The following SLC9A5 variants were observed in gnomAD, a reference collection of about 807,000 sequenced individuals.
The protein encoded by SLC9A5 is solute carrier family 9 member A5.
In SLC9A5, 52 loss-of-function variants were observed where a neutral mutation model predicts 91.7. The observed-to-expected ratio is 0.57, with a 90% CI of 0.45 to 0.71. SLC9A5 has a LOEUF of 0.71. Ranked by LOEUF, SLC9A5 falls within the 30% of genes least tolerant of loss-of-function variation. The pLI is 0.00. For synonymous variants in SLC9A5, 419 were observed against 474.5 expected, an observed-to-expected ratio of 0.88 and a Z score of 1.52; for missense variants, 871 against 1,158.9, an observed-to-expected ratio of 0.75 and a Z score of 3.61.
chr16:67,252,337 G>A lies in SLC9A5; in HGVS notation c.188-205G>A, dbSNP rs1301273636. Among the ~76,000 whole-genome samples the A allele has an allele frequency of 2.0e-5, 3 of 151,982 alleles. No individual in the cohort carries two copies. The highest frequency in any genetic ancestry group is 2.9e-5 in the Non-Finnish European group (2 of 67,962). On this transcript the variant is annotated intron_variant, in intron 1 of 15. Coordinates refer to ENST00000299798, the MANE Select transcript of SLC9A5 (RefSeq NM_004594.3). The surrounding 1 kb of genome is among the most constrained non-coding windows in gnomAD (Gnocchi z 4.0). ...ATGGTGGCGCGTGTCTGTAGTCCCCGTACTCAGGAGGCTGAGGCAGGAGAA... is the reference window on the plus strand; with the variant it reads ...ATGGTGGCGCGTGTCTGTAGTCCCCATACTCAGGAGGCTGAGGCAGGAGAA...
rs1194701497 is a variant in SLC9A5, at chr16:67,249,194, CA to C, written c.184del (p.Ile62SerfsTer9). On this transcript the variant is annotated frameshift_variant, in exon 1 of 16. Coordinates refer to ENST00000299798, the MANE Select transcript of SLC9A5 (RefSeq NM_004594.3). LOFTEE classifies it high-confidence loss of function. ...ALWILVASLA[K>X]IVFHLSRKVT... ...TGTGGATCCTGGTGGCCAGTCTGGC[CA>C]AAATCGGTGAGTGCGTGTGTGCGTG... 4 of 1,525,884 alleles carry C rather than the reference CA, an allele frequency of 2.6e-6. No individual in the cohort carries two copies. Among genetic ancestry groups the C allele is most frequent in the Middle Eastern group, 2.0e-4 (1 of 5,044 alleles). The allele number at this position is 1,525,884 out of a possible 1,614,324, so 94.5% of individuals were successfully genotyped here.
In SLC9A5 at chr16:67,257,490, G is replaced by A; in HGVS notation, c.1426-41G>A. 1 of 1,613,480 alleles carries A rather than the reference G, an allele frequency of 6.2e-7. No individual in the cohort carries two copies. Among genetic ancestry groups the A allele is most frequent in the Non-Finnish European group, 8.5e-7 (1 of 1,179,442 alleles). ...CCCTCTCGACCTTCTCCTATTTTGG[G>A]CAGAGTCCTGATCCAGTCCCCCTAC... On this transcript the variant is annotated intron_variant, in intron 8 of 15. Coordinates refer to ENST00000299798, the MANE Select transcript of SLC9A5 (RefSeq NM_004594.3). This position sits in a 1 kb window ranked among gnomAD's most constrained non-coding sequence, Gnocchi z 5.1.
At chr16:67,259,687 C>T in intron 11 of SLC9A5, 26 bp downstream of exon 11, 1 of 1,604,724 alleles carries the variant, frequency 6.2e-7, no homozygotes, top group Non-Finnish European at 8.5e-7. Flanking sequence ...CCTTCCCCTT[C>T]CTCATACTCC....
chr16:67,255,416 C>T lies in SLC9A5; in HGVS notation c.678C>T (p.Ser226=), dbSNP rs761092461. The change falls in exon 4 of 16, where the codon TCC becomes TCT. Residue 226 remains serine (S), a synonymous_variant. Transcript: ENST00000299798. The surrounding 1 kb of genome is among the most constrained non-coding windows in gnomAD (Gnocchi z 4.9). The part of the protein sequence containing the change: ...VTVVLYKVCN[S]FVEMGSANVQ... ...AGGTGCTGTACAAGGTCTGCAACTC[C>T]TTTGTGGAGATGGGCTCTGCCAATG... The T allele has an allele frequency of 6.2e-7, 1 of 1,614,082 alleles. No homozygotes were observed. The highest frequency in any genetic ancestry group is 1.1e-5 in the South Asian group (1 of 91,088).
chr16:67,251,722 G>A lies in SLC9A5; in HGVS notation c.188-820G>A, dbSNP rs1350067683. ...AGCCACCGCGCCCCGCCTGTAGATT[G>A]TCTTTTTTAATGGTCACAATAATCT... On this transcript the variant is annotated intron_variant, in intron 1 of 15. Coordinates refer to ENST00000299798, the MANE Select transcript of SLC9A5 (RefSeq NM_004594.3). Among the ~76,000 whole-genome samples, 3 of 151,980 alleles carry A rather than the reference G, an allele frequency of 2.0e-5. No individual in the cohort carries two copies. The East Asian group carries it at 5.8e-4, about 29-fold the overall frequency.
In SLC9A5 at chr16:67,258,300, G is replaced by A. The variant is rs2035392743; in HGVS notation, c.1497-18G>A. 2 of 1,613,032 alleles carry A rather than the reference G, an allele frequency of 1.2e-6. No homozygotes were observed. Among genetic ancestry groups the A allele is most frequent in the African/African-American group, 1.3e-5 (1 of 75,064 alleles). ...CCTTGGGAATGGGACTCAGGGCCGGGCCTGGCATCCTCTGTAGGTGGGAGC... is the reference window on the plus strand; with the variant it reads ...CCTTGGGAATGGGACTCAGGGCCGGACCTGGCATCCTCTGTAGGTGGGAGC... On this transcript the variant is annotated intron_variant, in intron 9 of 15. Transcript: ENST00000299798. This position sits in a 1 kb window ranked among gnomAD's most constrained non-coding sequence, Gnocchi z 4.5.
At chr16:67,265,797 G>A (rs544303067) in intron 14 of SLC9A5, among the ~76,000 whole-genome samples, 3 of 152,180 alleles carry the variant, frequency 2.0e-5, no homozygotes, top group Non-Finnish European at 4.4e-5. Flanking sequence ...CCAGTGGATC[G>A]TGGGATTTGG....
chr16:67,270,808 C>T lies in SLC9A5; in HGVS notation c.2289C>T (p.Pro763=), dbSNP rs1189508058. 21 of 1,613,994 alleles carry T rather than the reference C, an allele frequency of 1.3e-5. 1 individual carries two copies. The highest frequency in any genetic ancestry group is 1.6e-4 in the Middle Eastern group (1 of 6,084). Residue 763 remains proline (P), a synonymous_variant, in exon 16 of 16, where the codon CCC becomes CCT. Coordinates refer to ENST00000299798, the MANE Select transcript of SLC9A5 (RefSeq NM_004594.3). This position sits in a 1 kb window ranked among gnomAD's most constrained non-coding sequence, Gnocchi z 4.3. ...PSPTCAEKEL[P]WKSGQGDLAV... ...CAACCTGTGCAGAAAAGGAGCTCCC[C>T]TGGAAGAGTGGGCAGGGGGACCTGG...
chr16:67,263,890 C>T (rs914902748), intron 12 of SLC9A5: 1 of 171,500 alleles, frequency 5.8e-6, no homozygotes, highest in African/African-American at 2.4e-5. Flanking sequence ...AAAGTGCAGC[C>T]CAGGATATCA....
chr16:67,265,472 G>A (rs1345466615), intron 14 of SLC9A5, among the ~76,000 whole-genome samples: 1 of 152,180 alleles, frequency 6.6e-6, no homozygotes, highest in African/African-American at 2.4e-5. Context: ...AAGCTAGAGT[G>A]CAGTGGTGCC....
Position 67,257,505 on chromosome 16 carries a change from A to G in SLC9A5, c.1426-26A>G, listed in dbSNP as rs2035363082. On this transcript the variant is annotated intron_variant, in intron 8 of 15. Coordinates refer to ENST00000299798, the MANE Select transcript of SLC9A5 (RefSeq NM_004594.3). This position sits in a 1 kb window ranked among gnomAD's most constrained non-coding sequence, Gnocchi z 5.1. ...CCTATTTTGGGCAGAGTCCTGATCCAGTCCCCCTACCCACCCCCCTTCTAG... is the reference window on the plus strand; with the variant it reads ...CCTATTTTGGGCAGAGTCCTGATCCGGTCCCCCTACCCACCCCCCTTCTAG... 6.2e-7 allele frequency: 1 copy of G among 1,613,792 alleles called. No individual in the cohort carries two copies. Among genetic ancestry groups the G allele is most frequent in the East Asian group, 2.2e-5 (1 of 44,876 alleles).
intron 14 of SLC9A5, among the ~76,000 whole-genome samples, chr16:67,265,636 T>C (rs2035673356): frequency 6.6e-6 from 1 of 152,176 alleles, no homozygotes; most frequent in South Asian, 2.1e-4. Flanking sequence ...TTGGCCTGGC[T>C]GGTCTTGAAT....
Position 67,252,883 on chromosome 16 carries a change from A to G in SLC9A5, c.490+39A>G. On this transcript the variant is annotated intron_variant, in intron 2 of 15. Coordinates refer to ENST00000299798, the MANE Select transcript of SLC9A5 (RefSeq NM_004594.3). The surrounding 1 kb of genome is among the most constrained non-coding windows in gnomAD (Gnocchi z 4.0). ...AGACCTGGGCTTTGCCAGACCCATC[A>G]CCCCTCTCCCTTCTCCTCAAGCTCT... The G allele has an allele frequency of 1.3e-6, 2 of 1,553,520 alleles. No homozygotes were observed. The highest frequency in any genetic ancestry group is 1.2e-5 in the South Asian group (1 of 85,012).
Position 67,256,480 on chromosome 16 carries a change from G to T in SLC9A5, c.923G>T (p.Cys308Phe). ...SLSAILAVTM[C>F]GLGCKKYVEA... is the part of the protein sequence containing the mutation. ...CCATCCTCTCCCAGGGTGACCATGT[G>T]TGGCCTGGGCTGTAAGAAGTACGTG... Residue 308 changes from cysteine (C) to phenylalanine (F), a missense_variant, in exon 6 of 16, where the codon TGT (cysteine) becomes TTT (phenylalanine). Cys to Phe is a radical substitution (Grantham distance 205, BLOSUM62 -2). Coordinates refer to ENST00000299798, the MANE Select transcript of SLC9A5 (RefSeq NM_004594.3). The surrounding 1 kb of genome is among the most constrained non-coding windows in gnomAD (Gnocchi z 4.1). 1 of 1,609,282 alleles carries T rather than the reference G, an allele frequency of 6.2e-7. No individual in the cohort carries two copies. Among genetic ancestry groups the T allele is most frequent in the Non-Finnish European group, 8.5e-7 (1 of 1,179,106 alleles).
intron 15 of SLC9A5, among the ~76,000 whole-genome samples, chr16:67,268,665 T>C (rs1429461654): frequency 3.1e-4 from 8 of 25,604 alleles, no homozygotes; most frequent in African/African-American, 1.9e-3. Flanking sequence ...TGATTATATA[T>C]ATATATATAT....
chr16:67,257,106 T>C lies in SLC9A5; in HGVS notation c.1328T>C (p.Ile443Thr). Residue 443 changes from isoleucine (I) to threonine (T), a missense_variant, in exon 7 of 16, where the codon ATC becomes ACC. Ile to Thr is a moderately conservative substitution (Grantham distance 89). Around this residue, in one of 3 missense-constraint regions of SLC9A5, gnomAD observed 454 missense variants for 718.3 expected, o/e 0.63. Coordinates refer to ENST00000299798, the MANE Select transcript of SLC9A5 (RefSeq NM_004594.3). This position sits in a 1 kb window ranked among gnomAD's most constrained non-coding sequence, Gnocchi z 5.1. ...TTIVVVFFTV[I>T]VQGLTIKPLV... ...ATTGTAGTGGTCTTCTTCACAGTCA[T>C]CGTGCAGGTGGGAGTGCCCACAAGG... 1.2e-6 allele frequency: 2 copies of C among 1,609,330 alleles called. No homozygotes were observed. Among genetic ancestry groups the C allele is most frequent in the Non-Finnish European group, 1.7e-6 (2 of 1,179,566 alleles).
At chr16:67,261,927 G>GAGGTGTGT (rs2035542278) in intron 12 of SLC9A5, 1 of 151,406 alleles carries the variant, frequency 6.6e-6, no homozygotes, top group Non-Finnish European at 1.4e-5. Flanking sequence ...GATTTGGTGA[G>GAGGTGTGT]GTGTGTGTGT....
chr16:67,264,347 G>A lies in SLC9A5; in HGVS notation c.1843-5G>A. ...CTCATAGCCAGGCGGGGCTGTCATT[G>A]CCAGTACAAAGCCAGCTGCAGTCGC... On this transcript the variant is annotated splice_polypyrimidine_tract_variant and splice_region_variant and intron_variant, in intron 12 of 15. Coordinates refer to ENST00000299798, the MANE Select transcript of SLC9A5 (RefSeq NM_004594.3). 6.2e-7 allele frequency: 1 copy of A among 1,613,762 alleles called. No individual in the cohort carries two copies.
rs759158210 is a variant in SLC9A5 at position 67,259,942 on chromosome 16, G to A, written c.1838G>A (p.Arg613His). The change falls in exon 12 of 16, where the codon CGT (arginine) becomes CAT (histidine). Residue 613 changes from arginine to histidine, a missense_variant. Physicochemically the swap from Arg to His is conservative, Grantham distance 29 (BLOSUM62 0). Transcript: ENST00000299798. ...TGCGGAGGCCTCTACAAGCCGCGCC[G>A]TAGGGTGAGAGCAGGCAGGCATCAG... Reference protein sequence around the residue: ...LLCGGLYKPRRRYKASCSRHF... With the variant: ...LLCGGLYKPRHRYKASCSRHF... The A allele has an allele frequency of 9.5e-5, 153 of 1,613,628 alleles. No individual in the cohort carries two copies. Among genetic ancestry groups the A allele is most frequent in the Non-Finnish European group, 1.2e-4 (138 of 1,179,860 alleles).
Sources: allele counts gnomAD v4.1 joint callset (sites outside exome capture counted in the v4.1 genomes callset), GRCh38; gene constraint gnomAD v4.1.1; regional missense constraint gnomAD v4.1.1; non-coding constraint Gnocchi (gnomAD v3.1); transcripts MANE v1.5; gene names NCBI Gene and HGNC (gene_info 2026-07-23, HGNC 2026-07-21).